Variants in ADSL observed in about 807,000 individuals in gnomAD.
ADSL encodes adenylosuccinate lyase.
Under a neutral mutation model 62.1 loss-of-function variants are expected in ADSL, and 44 were observed. The observed-to-expected ratio is 0.71, with a 90% CI of 0.56 to 0.91. ADSL has a LOEUF of 0.91. Among genes scored for constraint, ADSL ranks in the 40% least tolerant of loss-of-function variants. The probability of loss-of-function intolerance (pLI) is 0.00; values close to 1 mark genes in which losing one functional copy is unlikely to be tolerated. For synonymous variants in ADSL, 198 were observed against 220.5 expected (o/e 0.90, Z 0.90); for missense variants, 531 against 627.4 (o/e 0.85, Z 1.64).
At chr22:40,363,162 C>G in intron 10 of ADSL, 91 bp downstream of exon 10, 2 of 1,221,200 alleles carry the variant, frequency 1.6e-6, no homozygotes, top group Non-Finnish European at 2.4e-6. Context: ...GAGCTGTATT[C>G]TGATCCGATA....
rs118127065 is a variant in ADSL at position 40,353,515 on chromosome 22, C to T, written c.402+398C>T. 912 of 662,468 alleles carry T rather than the reference C, an allele frequency of 1.4e-3. 8 individuals are homozygous for T. The East Asian group carries it at 0.023, about 17-fold the overall frequency. The allele number at this position is 662,468 out of a possible 1,614,324, so 41.0% of individuals were successfully genotyped here. On this transcript the variant is annotated intron_variant, in intron 3 of 12. Coordinates refer to ENST00000623063, the MANE Select transcript of ADSL (RefSeq NM_000026.4). ...CCCAGGCTGGTCTCAAACTCCTGAG[C>T]TCAAGGGATCCACCCGTCTTGGCCT...
At chr22:40,353,303 CCTT>C (rs2044419773) in intron 3 of ADSL, 186 bp downstream of exon 3, 1 of 706,956 alleles carries the variant, frequency 1.4e-6, no homozygotes, top group East Asian at 2.7e-5. Context: ...TTCTCTTCCT[CCTT>C]CTCCTTTCTT....
chr22:40,377,599 G>A (rs773512470), intron 2 of ADSL, among the ~76,000 whole-genome samples: 5 of 152,180 alleles, frequency 3.3e-5, no homozygotes, highest in Admixed American at 6.5e-5. Context: ...CCTCTGGGAG[G>A]CCAAGGCAGG....
rs550269630 is a variant in ADSL at position 40,368,085 on chromosome 22, G to A, written c.*1563G>A. On this transcript the variant is annotated 3_prime_UTR_variant, in exon 13 of 13. Transcript: ENST00000623063. ...AGATCTTGTGGTGGAGGAATGTTAG[G>A]GCTCTTTATCCTATACAGAAGAAAA... is the stretch of plus-strand genomic sequence containing the variant. The A allele has an allele frequency of 2.8e-4, 42 of 152,274 alleles. No individual in the cohort carries two copies. Among genetic ancestry groups the A allele is most frequent in the African/African-American group, 8.9e-4 (37 of 41,546 alleles). The allele number at this position is 152,274 out of a possible 1,614,324, so 9.4% of individuals were successfully genotyped here.
At position 40,361,323 on chromosome 22, in the gene ADSL, C is replaced by G; in HGVS notation, c.843C>G (p.Pro281=). ...LLANLKEMEE[P]FEKQQIGSSA... is the part of the protein sequence containing the mutation. Reference sequence around the variant, plus strand: ...CAAACCTCAAGGAGATGGAGGAACCCTTTGAAAAACAGCAGATTGGTGAGT... The same window carrying G: ...CAAACCTCAAGGAGATGGAGGAACCGTTTGAAAAACAGCAGATTGGTGAGT... The change falls in exon 8 of 13, where the codon CCC becomes CCG. Residue 281 remains proline (P), a synonymous_variant. Transcript: ENST00000623063. 1 of 1,614,208 alleles carries G rather than the reference C, an allele frequency of 6.2e-7. No individual in the cohort carries two copies.
chr22:40,361,414 T>G (rs910904193), intron 8 of ADSL, 72 bp downstream of exon 8: 81 of 1,612,732 alleles, frequency 5.0e-5, no homozygotes, highest in Non-Finnish European at 6.4e-5. Context: ...GAGAGCTCAT[T>G]CAGCATGCTT....
At chr22:40,364,829 G>T in intron 11 of ADSL, 51 bp from the exon 12 acceptor site, 1 of 1,594,178 alleles carries the variant, frequency 6.3e-7, no homozygotes, top group Non-Finnish European at 8.6e-7. Context: ...TTTTAAAAGT[G>T]TTCAAACGCC....
rs545596970 is a variant in ADSL at position 40,365,657 on chromosome 22, C to T, written c.1368+601C>T. 3.4e-4 allele frequency among the ~76,000 whole-genome samples: 51 copies of T among 152,056 alleles called. No homozygotes were observed. In the Middle Eastern group the frequency reaches 0.01, roughly 30 times the overall value. On this transcript the variant is annotated intron_variant, in intron 12 of 12. Transcript: ENST00000623063. ...GGCCGAGGCAGGAGGATTGCTTGAG[C>T]TCAGGAGTTCAAGAACATCCTGGGC...
At chr22:40,360,814 C>G (rs2044754622) in intron 7 of ADSL, among the ~76,000 whole-genome samples, 1 of 151,594 alleles carries the variant, frequency 6.6e-6, no homozygotes, top group South Asian at 2.1e-4. Context: ...CCTCCACCTC[C>G]TGGGTTCGAG....
chr22:40,347,830 C>A (rs1478455319), intron 1 of ADSL, among the ~76,000 whole-genome samples: 1 of 152,192 alleles, frequency 6.6e-6, no homozygotes, highest in Non-Finnish European at 1.5e-5. Flanking sequence ...GAAGCATCAA[C>A]TTAATAAACT....
intron 2 of ADSL, among the ~76,000 whole-genome samples, chr22:40,385,937 G>A (rs2048345173): frequency 6.6e-6 from 1 of 151,816 alleles, no homozygotes; most frequent in Admixed American, 6.6e-5. Context: ...CTGCAGCGTC[G>A]ACCTCCCGGG....
chr22:40,360,577 ATC>A, intron 7 of ADSL, 85 bp downstream of exon 7: 2 of 940,204 alleles, frequency 2.1e-6, no homozygotes, highest in Non-Finnish European at 3.5e-6. Context: ...TTACTTAACC[ATC>A]TCTCTCAAGC....
At chr22:40,369,673 TTTG>T (rs1246114274), downstream of ADSL, among the ~76,000 whole-genome samples, 3 of 151,912 alleles carry the variant, frequency 2.0e-5, no homozygotes, top group Non-Finnish European at 4.4e-5. Flanking sequence ...TGGTTCATTT[TTTG>T]TTGTTTTTTG....
chr22:40,354,391 G>C, intron 4 of ADSL, 64 bp downstream of exon 4: 1 of 1,226,230 alleles, frequency 8.2e-7, no homozygotes, highest in Non-Finnish European at 1.2e-6. Context: ...TGAGTTCTCT[G>C]TTTTCCACAG....
intron 2 of ADSL, among the ~76,000 whole-genome samples, chr22:40,381,136 CTTTTCTTTTTTTTTCT>C (rs776614247): frequency 1.3e-5 from 2 of 151,902 alleles, no homozygotes; most frequent in Non-Finnish European, 2.9e-5. Context: ...GAGGTACACG[CTTTTCTTTTTTTTTCT>C]TTTTCTTTTT....
rs897234227 is a variant in ADSL at position 40,376,268 on chromosome 22, C to T, written c.89+9770C>T. ...CAACAATGAAGTTCAACTTACGGCTCTGCTGCTTGCTTCCTTGCTTGTCTG... is the reference window on the plus strand; with the variant it reads ...CAACAATGAAGTTCAACTTACGGCTTTGCTGCTTGCTTCCTTGCTTGTCTG... On this transcript the variant is annotated intron_variant, in intron 2 of 2. Coordinates refer to the ADSL transcript ENST00000498234. 5.4e-5 allele frequency: 7 copies of T among 129,854 alleles called. No individual in the cohort carries two copies. In the Admixed American group the frequency reaches 6.2e-4, roughly 12 times the overall value. The allele number at this position is 129,854 out of a possible 1,614,324, so 8.0% of individuals were successfully genotyped here.
chr22:40,383,975 A>G (rs1003935824), intron 2 of ADSL, among the ~76,000 whole-genome samples: 2 of 152,212 alleles, frequency 1.3e-5, no homozygotes, highest in African/African-American at 4.8e-5. Context: ...AAGGCCAGGC[A>G]TCATGGCTCA....
chr22:40,360,822 G>A (rs61704599), intron 7 of ADSL, among the ~76,000 whole-genome samples: 3,470 of 150,896 alleles, frequency 0.023, 133 homozygotes, highest in African/African-American at 0.081. Flanking sequence ...TCCTGGGTTC[G>A]AGCGAGCCTC....
At chr22:40,361,715 G>A in intron 9 of ADSL, 80 bp downstream of exon 9, 1 of 1,555,802 alleles carries the variant, frequency 6.4e-7, no homozygotes, top group Non-Finnish European at 8.8e-7. Flanking sequence ...GGACATATTT[G>A]AGCATCTCTA....
Sources: allele counts gnomAD v4.1 joint callset (sites outside exome capture counted in the v4.1 genomes callset), GRCh38; gene constraint gnomAD v4.1.1; transcripts MANE v1.5; gene names NCBI Gene and HGNC (gene_info 2026-07-23, HGNC 2026-07-21).